Variants in PARP9 observed in about 807,000 individuals in gnomAD.
PARP9 encodes the protein protein mono-ADP-ribosyltransferase PARP9.
In PARP9, 48 loss-of-function variants were observed where a neutral mutation model predicts 68.8. That is an observed-to-expected ratio of 0.70 (90% CI 0.55 to 0.89). The LOEUF (loss-of-function observed/expected upper bound fraction) is 0.89, where lower values mean the gene tolerates loss of function less well. Among genes scored for constraint, PARP9 ranks in the 40% least tolerant of loss-of-function variants. The pLI, the probability that PARP9 is intolerant of heterozygous loss-of-function variation, is 0.00. For synonymous variants in PARP9, 309 were observed against 333.8 expected (o/e 0.93, Z 0.81); for missense variants, 806 against 969.3 (o/e 0.83, Z 2.24).
intron 10 of PARP9, among the ~76,000 whole-genome samples, chr3:122,530,735 A>G (rs997008416): frequency 1.3e-5 from 2 of 152,184 alleles, no homozygotes; most frequent in African/African-American, 4.8e-5. Context: ...CAAGAGCAGA[A>G]CTAAACAACA....
upstream of PARP9, chr3:122,564,544 G>A (rs771366341): frequency 1.2e-6 from 2 of 1,610,856 alleles, no homozygotes; most frequent in Admixed American, 3.3e-5. Context: ...GGGCGGCGGG[G>A]AGTGCACGGT....
In PARP9 at chr3:122,555,298, A is replaced by G. The variant is rs369638268; in HGVS notation, c.873T>C (p.Ile291=). 39 of 1,606,904 alleles carry G rather than the reference A, an allele frequency of 2.4e-5. No individual in the cohort carries two copies. In the African/African-American group the frequency reaches 5.1e-4, roughly 21 times the overall value. ...AACAAAGACTTACCGTCTGCCATTC[A>G]ATGTGGCCCTGGACAATCTGGAGGG... ...NLTLQIVQGH[I]EWQTADVIVN... is the part of the protein sequence containing the mutation. Residue 291 remains isoleucine (I), a synonymous_variant, in exon 4 of 11, where the codon ATT becomes ATC. Transcript: ENST00000682323.
intron 6 of PARP9, among the ~76,000 whole-genome samples, chr3:122,550,065 C>T (rs1031115835): frequency 2.6e-5 from 4 of 152,048 alleles, no homozygotes; most frequent in Non-Finnish European, 5.9e-5. Flanking sequence ...AACATGGCTT[C>T]TTTGTTTTTT....
chr3:122,564,243 A>G lies in PARP9; in HGVS notation c.-90+2T>C. ...GGGCCCAGAGGCACCGGACCTACTC[A>G]CCCGGCAGGCCGCTCTCCTCGGTGC... On this transcript the variant is annotated splice_donor_variant, in intron 1 of 10. Coordinates refer to ENST00000682323, the MANE Select transcript of PARP9 (RefSeq NM_001146105.2). LOFTEE classifies it low-confidence loss of function (5UTR_SPLICE). 1.5e-6 allele frequency: 1 copy of G among 677,830 alleles called. No homozygotes were observed. The highest frequency in any genetic ancestry group is 2.3e-6 in the Non-Finnish European group (1 of 434,048). The allele number at this position is 677,830 out of a possible 1,614,324, so 42.0% of individuals were successfully genotyped here. A position where few individuals can be genotyped will look rare whatever the true frequency, so the allele number is the denominator to read the frequency against.
Position 122,540,860 on chromosome 3 carries a change from G to C in PARP9, c.1385-8C>G, listed in dbSNP as rs1469997171. On this transcript the variant is annotated splice_polypyrimidine_tract_variant and splice_region_variant and intron_variant, in intron 7 of 10. Transcript: ENST00000682323. ...CTCTGGTTGACTGGGGGACTGAAAT[G>C]ACTATAATAAGCAACCATGGAAGAC... 2 of 1,600,136 alleles carry C rather than the reference G, an allele frequency of 1.2e-6. No homozygotes were observed. The highest frequency in any genetic ancestry group is 2.2e-5 in the South Asian group (2 of 89,650).
chr3:122,539,567 C>CTTTTTTT (rs1177248789), intron 8 of PARP9, among the ~76,000 whole-genome samples: 1 of 86,916 alleles, frequency 1.2e-5, no homozygotes, highest in Non-Finnish European at 2.4e-5. Context: ...TTCTTTCTTT[C>CTTTTTTT]TTTTTTTTTT....
chr3:122,556,075 G>C lies in PARP9; in HGVS notation c.96C>G (p.Asn32Lys). ...TTTTTAAAATTTTGAAGTCATTGTG[G>C]TTAATGGGAATTTGCCAACTATAGT... ...GENYSWQIPI[N>K]HNDFKILKNN... The change falls in exon 4 of 11, where the codon AAC (asparagine) becomes AAG (lysine). Residue 32 changes from asparagine to lysine, a missense_variant. By Grantham distance (94) the Asn-to-Lys change is moderately conservative. Around this residue, in one of 2 missense-constraint regions of PARP9, gnomAD observed 126 missense variants for 110.5 expected, o/e 1.14. Transcript: ENST00000682323. The C allele has an allele frequency of 6.6e-7, 1 of 1,506,122 alleles. No homozygotes were observed. The highest frequency in any genetic ancestry group is 1.1e-5 in the South Asian group (1 of 89,388). 93.3% of individuals were successfully genotyped at this position (1,506,122 alleles called of 1,614,324 possible). A position where few individuals can be genotyped will look rare whatever the true frequency, so the allele number is the denominator to read the frequency against.
intron 8 of PARP9, among the ~76,000 whole-genome samples, chr3:122,539,511 CTTTCTTTCTTTCTTTCTTT>C (rs1559818589): frequency 2.7e-3 from 46 of 17,014 alleles, no homozygotes; most frequent in African/African-American, 0.011. Flanking sequence ...GATGGCATTT[CTTTCTTTCTTTCTTTCTTT>C]CTTTCTTTCT....
intron 10 of PARP9, 94 bp from the exon 11 acceptor site, chr3:122,528,837 C>A (rs1211207504): frequency 3.3e-6 from 4 of 1,196,778 alleles, no homozygotes; most frequent in Middle Eastern, 2.9e-4. Context: ...CTTTAGTCTT[C>A]CAAATAATCA....
At chr3:122,541,185 C>T (rs966190625) in intron 7 of PARP9, among the ~76,000 whole-genome samples, 4 of 152,202 alleles carry the variant, frequency 2.6e-5, no homozygotes, top group Non-Finnish European at 4.4e-5. Context: ...CCAACGTGCC[C>T]GGCCGACTAG....
chr3:122,529,753 CAAA>C (rs1172329461), intron 10 of PARP9, among the ~76,000 whole-genome samples: 7 of 68,140 alleles, frequency 1.0e-4, no homozygotes, highest in Non-Finnish European at 3.0e-5. Flanking sequence ...GACTCCGTCC[CAAA>C]AAAAAAAAAA....
chr3:122,545,506 A>G lies in PARP9; in HGVS notation c.1327-17T>C. The G allele has an allele frequency of 6.2e-7, 1 of 1,614,014 alleles. No homozygotes were observed. The highest frequency in any genetic ancestry group is 8.5e-7 in the Non-Finnish European group (1 of 1,179,860). ...ACTGAAAGCCTACAAGAAGCAAAAC[A>G]GAGCAGAGAGTCATAAGCAGGGCTG... On this transcript the variant is annotated splice_polypyrimidine_tract_variant and intron_variant, in intron 6 of 10. Coordinates refer to ENST00000682323, the MANE Select transcript of PARP9 (RefSeq NM_001146105.2).
At chr3:122,547,377 G>A (rs1276201292) in intron 6 of PARP9, among the ~76,000 whole-genome samples, 3 of 151,942 alleles carry the variant, frequency 2.0e-5, no homozygotes, top group East Asian at 1.9e-4. Context: ...TTACAGGCAT[G>A]AGCCACCAAG....
At chr3:122,545,714 T>C (rs2078651254) in intron 6 of PARP9, 1 of 539,884 alleles carries the variant, frequency 1.9e-6, no homozygotes, top group Non-Finnish European at 3.3e-6. Context: ...GAAATCAAAA[T>C]CTGGTATAAA....
At chr3:122,542,460 G>A (rs9841643) in intron 7 of PARP9, among the ~76,000 whole-genome samples, 18,497 of 151,642 alleles carry the variant, frequency 0.12, 1,312 homozygotes, top group East Asian at 0.33. Context: ...AGGCTGGAGT[G>A]CAGTGGTGCA....
At chr3:122,531,168 G>A (rs995650354) in intron 10 of PARP9, among the ~76,000 whole-genome samples, 6 of 152,226 alleles carry the variant, frequency 3.9e-5, no homozygotes, top group East Asian at 3.9e-4. Context: ...CTCAATAGCC[G>A]CATGTAGCTA....
upstream of PARP9, chr3:122,564,675 C>A (rs575899025): frequency 1.3e-6 from 2 of 1,540,042 alleles, no homozygotes; most frequent in South Asian, 1.2e-5. Context: ...GGTTTCCAGG[C>A]GGACCCAGTT....
chr3:122,548,810 G>A (rs558096731), intron 6 of PARP9, among the ~76,000 whole-genome samples: 1 of 152,224 alleles, frequency 6.6e-6, no homozygotes, highest in African/African-American at 2.4e-5. Context: ...AAAAGAATGG[G>A]TTGAATTTGA....
intron 3 of PARP9, 47 bp downstream of exon 3, chr3:122,558,387 C>T (rs1275946480): frequency 1.2e-6 from 2 of 1,614,148 alleles, no homozygotes; most frequent in South Asian, 1.1e-5. Context: ...GAGGAAAGAT[C>T]TGAGCAAAGA....
Sources: allele counts gnomAD v4.1 joint callset (sites outside exome capture counted in the v4.1 genomes callset), GRCh38; gene constraint gnomAD v4.1.1; regional missense constraint gnomAD v4.1.1; transcripts MANE v1.5; gene names NCBI Gene and HGNC (gene_info 2026-07-23, HGNC 2026-07-21).